ICE2: variants seen among roughly 807,000 people sequenced by gnomAD.
ICE2 encodes the protein interactor of little elongation complex ELL subunit 2.
ICE2 carries 87 observed loss-of-function variants against 105.4 expected under a neutral mutation model. The ratio of observed to expected loss-of-function variants is 0.83; its 90% CI spans 0.69 to 0.99. The LOEUF (loss-of-function observed/expected upper bound fraction) is 0.99, where lower values mean the gene tolerates loss of function less well. Among genes scored for constraint, ICE2 ranks in the 50% least tolerant of loss-of-function variants. ICE2 has a pLI of 0.00. For missense variants in ICE2, 1,323 were observed against 1,146.7 expected (o/e 1.15, Z -2.22); for synonymous variants, 399 against 392.0 (o/e 1.02, Z -0.21).
chr15:60,478,391 C>T (rs959581111), intron 1 of ICE2, among the ~76,000 whole-genome samples: 2 of 152,190 alleles, frequency 1.3e-5, no homozygotes, highest in African/African-American at 4.8e-5. Context: ...TTTCCATTCC[C>T]TTACTGCCAA....
chr15:60,468,934 CT>C (rs1209855747), intron 3 of ICE2, among the ~76,000 whole-genome samples: 1 of 152,146 alleles, frequency 6.6e-6, no homozygotes, highest in Non-Finnish European at 1.5e-5. Context: ...TGACTTTATG[CT>C]TTTCATGGAT....
Position 60,428,481 on chromosome 15 carries a change from C to T in ICE2, c.2768G>A (p.Arg923Lys). The T allele has an allele frequency of 6.2e-7, 1 of 1,613,868 alleles. No individual in the cohort carries two copies. The highest frequency in any genetic ancestry group is 8.5e-7 in the Non-Finnish European group (1 of 1,179,794). The change falls in exon 15 of 16, where the codon AGA (arginine) becomes AAA (lysine). Residue 923 changes from arginine to lysine, a missense_variant. Coordinates refer to ENST00000261520, the MANE Select transcript of ICE2 (RefSeq NM_024611.6). ...LLLPYHIHHGRIPCTFPPKSL... is the reference protein window; with the variant it reads ...LLLPYHIHHGKIPCTFPPKSL... ...TTTCGGTGGAAAAGTACAAGGTATT[C>T]TTCCATGATGGATATGATATGGTAA... is the stretch of plus-strand genomic sequence containing the variant.
intron 12 of ICE2, chr15:60,438,520 C>T (rs930423500): frequency 9.2e-5 from 14 of 151,772 alleles, no homozygotes; most frequent in East Asian, 1.9e-4. Context: ...AAAGACATAT[C>T]GTAATGATTT....
At chr15:60,424,960 T>C (rs185503000) in intron 15 of ICE2, among the ~76,000 whole-genome samples, 5 of 152,332 alleles carry the variant, frequency 3.3e-5, no homozygotes, top group African/African-American at 9.6e-5. Flanking sequence ...TATCTGCCTT[T>C]ATTTTCCCTG....
At chr15:60,434,118 A>G (rs1008118470) in intron 13 of ICE2, among the ~76,000 whole-genome samples, 9 of 152,188 alleles carry the variant, frequency 5.9e-5, no homozygotes, top group Non-Finnish European at 1.2e-4. Flanking sequence ...CCACTCTAAT[A>G]TTTCCTCATA....
Position 60,468,208 on chromosome 15 carries a change from A to T in ICE2, c.261T>A (p.Leu87=). Residue 87 remains leucine (L), a synonymous_variant, in exon 4 of 16, where the codon CTT becomes CTA. Coordinates refer to ENST00000261520, the MANE Select transcript of ICE2 (RefSeq NM_024611.6). ...KVKTTIGMVL[L]PKPRVPYPRF... is the part of the protein sequence containing the mutation. ...GAGGATAAGGAACTCTTGGTTTTGG[A>T]AGAAGAACCATTCCAATTGTGGTTT... The T allele has an allele frequency of 6.2e-7, 1 of 1,613,838 alleles. No homozygotes were observed. The highest frequency in any genetic ancestry group is 8.5e-7 in the Non-Finnish European group (1 of 1,179,822).
At chr15:60,441,758 G>A (rs1248446709) in intron 12 of ICE2, 1 of 152,134 alleles carries the variant, frequency 6.6e-6, no homozygotes, top group Non-Finnish European at 1.5e-5. Context: ...TATTATGTGA[G>A]GATGTTAACT....
intron 15 of ICE2, among the ~76,000 whole-genome samples, chr15:60,427,328 C>G (rs2063358851): frequency 6.6e-6 from 1 of 152,198 alleles, no homozygotes; most frequent in Non-Finnish European, 1.5e-5. Context: ...GACAATAATT[C>G]TGACTCAAAG....
At chr15:60,455,248 T>G in intron 7 of ICE2, 78 bp downstream of exon 7, 1 of 1,531,656 alleles carries the variant, frequency 6.5e-7, no homozygotes, top group Non-Finnish European at 8.9e-7. Context: ...AAAGGGGACT[T>G]TGGGACAATC....
intron 9 of ICE2, chr15:60,451,420 T>C (rs1484297297): frequency 1.0e-6 from 1 of 963,474 alleles, no homozygotes; most frequent in African/African-American, 1.8e-5. Flanking sequence ...GGAAATAAAA[T>C]TAGATATCAT....
chr15:60,453,566 T>C (rs760524206), intron 9 of ICE2, 37 bp downstream of exon 9: 3 of 1,603,014 alleles, frequency 1.9e-6, no homozygotes, highest in African/African-American at 2.7e-5. Context: ...GATAAACAAG[T>C]ACATTCCCCT....
intron 9 of ICE2, chr15:60,451,939 T>G (rs901445635): frequency 1.0e-4 from 34 of 335,850 alleles, no homozygotes; most frequent in Non-Finnish European, 1.7e-5. Context: ...AATTCCTCAC[T>G]ATCTTGTTAG....
intron 5 of ICE2, among the ~76,000 whole-genome samples, chr15:60,460,913 T>C (rs2064258400): frequency 6.6e-6 from 1 of 152,172 alleles, no homozygotes; most frequent in African/African-American, 2.4e-5. Flanking sequence ...CTGTAAGCCC[T>C]TTAGATTAGG....
rs2063440714 is a variant in ICE2 at position 60,430,836 on chromosome 15, T to C, written c.2561+1098A>G. Among the ~76,000 whole-genome samples, 4 of 152,172 alleles carry C rather than the reference T, an allele frequency of 2.6e-5. No individual in the cohort carries two copies. The South Asian group carries it at 8.3e-4, about 31-fold the overall frequency. ...ATCATCAGGGGGAAAATCCATATCCTAAGACTTGCCATGGATCTAAATGAC... is the reference window on the plus strand; with the variant it reads ...ATCATCAGGGGGAAAATCCATATCCCAAGACTTGCCATGGATCTAAATGAC... On this transcript the variant is annotated intron_variant, in intron 14 of 15. Coordinates refer to ENST00000261520, the MANE Select transcript of ICE2 (RefSeq NM_024611.6).
At chr15:60,437,371 G>A (rs1213723823) in intron 12 of ICE2, among the ~76,000 whole-genome samples, 2 of 151,272 alleles carry the variant, frequency 1.3e-5, no homozygotes, top group East Asian at 3.9e-4. Flanking sequence ...TTTCGCTCTT[G>A]TTGCCCAGGC....
chr15:60,469,062 C>A (rs1481496054), intron 3 of ICE2, among the ~76,000 whole-genome samples: 2 of 152,114 alleles, frequency 1.3e-5, no homozygotes, highest in Non-Finnish European at 2.9e-5. Context: ...GTTAGAATCA[C>A]AATGGAGTCA....
At chr15:60,441,921 CAATA>C (rs1223752782) in intron 12 of ICE2, 2 of 152,080 alleles carry the variant, frequency 1.3e-5, no homozygotes, top group Admixed American at 6.5e-5. Context: ...ATATATAGGT[CAATA>C]AATAGTTAAC....
intron 8 of ICE2, 55 bp downstream of exon 8, chr15:60,454,948 A>ATGC: frequency 3.5e-6 from 5 of 1,434,806 alleles, no homozygotes; most frequent in Non-Finnish European, 4.7e-6. Flanking sequence ...GAGTGAGAAC[A>ATGC]TGCAGTCCAA....
intron 6 of ICE2, 34 bp from the exon 7 acceptor site, chr15:60,455,476 A>C: frequency 7.3e-7 from 1 of 1,372,628 alleles, no homozygotes; most frequent in Non-Finnish European, 1.0e-6. Context: ...TTATTGCAAA[A>C]ATCGCAATGT....
Sources: allele counts gnomAD v4.1 joint callset (sites outside exome capture counted in the v4.1 genomes callset), GRCh38; gene constraint gnomAD v4.1.1; transcripts MANE v1.5; gene names NCBI Gene and HGNC (gene_info 2026-07-23, HGNC 2026-07-21).